The following CEP89 variants were observed in gnomAD, a reference collection of about 807,000 sequenced individuals.
CEP89 encodes centrosomal protein 89.
A neutral mutation model predicts 97.6 loss-of-function variants in CEP89; 95 were observed. That is an observed-to-expected ratio of 0.97 (90% confidence interval 0.82 to 1.15). The LOEUF (loss-of-function observed/expected upper bound fraction) is 1.15. Among genes scored for constraint, CEP89 ranks in the 50% most tolerant of loss-of-function variants. The pLI is 0.00. For synonymous variants in CEP89, 354 were observed against 349.1 expected, an observed-to-expected ratio of 1.01 and a Z score of -0.16; for missense variants, 869 against 947.7, an observed-to-expected ratio of 0.92 and a Z score of 1.09.
At chr19:32,907,504 T>G (rs1969913093) in intron 14 of CEP89, among the ~76,000 whole-genome samples, 1 of 150,968 alleles carries the variant, frequency 6.6e-6, no homozygotes, top group East Asian at 2.0e-4. Context: ...CAGGCTGGAG[T>G]GCAATGGCGT....
intron 12 of CEP89, among the ~76,000 whole-genome samples, chr19:32,921,586 GTTTTA>G (rs753046883): frequency 3.3e-5 from 5 of 152,204 alleles, no homozygotes; most frequent in Admixed American, 1.3e-4. Flanking sequence ...TCTTTCACTG[GTTTTA>G]TTTTAAGGAA....
Position 32,936,555 on chromosome 19 carries a change from C to A in CEP89, c.667+1076G>T, listed in dbSNP as rs1012212009. Among the ~76,000 whole-genome samples the A allele has an allele frequency of 2.0e-5, 3 of 152,142 alleles. No homozygotes were observed. Among genetic ancestry groups the A allele is most frequent in the Non-Finnish European group, 4.4e-5 (3 of 68,012 alleles). On this transcript the variant is annotated intron_variant, in intron 7 of 18. Transcript: ENST00000305768. The surrounding 1 kb of genome is among the most constrained non-coding windows in gnomAD (Gnocchi z 4.5). ...GAACTTATGGTGCCTTTTCCAGGCCCACCCATGGCCACCCATGGACCAATC... is the reference window on the plus strand; with the variant it reads ...GAACTTATGGTGCCTTTTCCAGGCCAACCCATGGCCACCCATGGACCAATC...
At chr19:32,967,290 G>GT (rs1971303720) in intron 1 of CEP89, among the ~76,000 whole-genome samples, 1 of 152,150 alleles carries the variant, frequency 6.6e-6, no homozygotes. Flanking sequence ...TTAGGTAACT[G>GT]TAACTGGGAG....
At chr19:32,899,741 C>A in intron 16 of CEP89, 116 bp downstream of exon 16, 1 of 976,268 alleles carries the variant, frequency 1.0e-6, no homozygotes, top group South Asian at 1.7e-5. Flanking sequence ...AACCATCCAT[C>A]GTAAGTCAGG....
At chr19:32,921,333 C>T (rs971313683) in intron 12 of CEP89, among the ~76,000 whole-genome samples, 2 of 152,088 alleles carry the variant, frequency 1.3e-5, no homozygotes, top group Non-Finnish European at 2.9e-5. Flanking sequence ...GTACCGAGAG[C>T]GGCAAGGTCT....
intron 16 of CEP89, among the ~76,000 whole-genome samples, chr19:32,894,518 G>A (rs1252845123): frequency 6.6e-6 from 1 of 152,206 alleles, no homozygotes; most frequent in African/African-American, 2.4e-5. Flanking sequence ...TCCTGCCTGG[G>A]CAGGGCTAAA....
At chr19:32,907,341 A>C (rs1179855446) in intron 14 of CEP89, among the ~76,000 whole-genome samples, 1 of 152,256 alleles carries the variant, frequency 6.6e-6, no homozygotes, top group South Asian at 2.1e-4. Flanking sequence ...AGCCTGAGAC[A>C]AGATGAGATC....
At chr19:32,962,287 G>A (rs193021207) in intron 2 of CEP89, among the ~76,000 whole-genome samples, 3 of 152,204 alleles carry the variant, frequency 2.0e-5, no homozygotes, top group Admixed American at 6.6e-5. Context: ...CTCATCTGCC[G>A]CCATGTAAGA....
intron 5 of CEP89, among the ~76,000 whole-genome samples, chr19:32,940,927 A>C (rs1385175794): frequency 6.6e-6 from 1 of 151,854 alleles, no homozygotes; most frequent in Non-Finnish European, 1.5e-5. Context: ...CACCCAGCTA[A>C]TTTTTGTATT....
At chr19:32,894,913 C>G (rs914466107) in intron 16 of CEP89, among the ~76,000 whole-genome samples, 1 of 152,118 alleles carries the variant, frequency 6.6e-6, no homozygotes, top group East Asian at 1.9e-4. Context: ...GACAACACTA[C>G]CAAGATTGAA....
chr19:32,879,432 A>G, intron 18 of CEP89, 54 bp from the exon 19 acceptor site: 3 of 1,427,912 alleles, frequency 2.1e-6, no homozygotes, highest in Non-Finnish European at 2.9e-6. Context: ...TAGAGCCCAT[A>G]TGAATCCCAA....
intron 13 of CEP89, 25 bp downstream of exon 13, chr19:32,918,199 C>T: frequency 2.0e-6 from 3 of 1,523,576 alleles, no homozygotes; most frequent in Non-Finnish European, 2.7e-6. Flanking sequence ...CAATGCATGA[C>T]CAGTCCTCAC....
rs1207481256 is a variant in CEP89, at chr19:32,902,010, C to CTCTGTGTGTGTGTGTGTG, written c.1566-599_1566-598insCACACACACACACACAGA. Among the ~76,000 whole-genome samples, 178 of 133,798 alleles carry CTCTGTGTGTGTGTGTGTG rather than the reference C, an allele frequency of 1.3e-3. 1 individual carries two copies. Among genetic ancestry groups the CTCTGTGTGTGTGTGTGTG allele is most frequent in the Middle Eastern group, 3.7e-3 (1 of 272 alleles). The allele number at this position is 133,798 out of a possible 152,430, so 87.8% of individuals were successfully genotyped here. A position where few individuals can be genotyped will look rare whatever the true frequency, so the allele number is the denominator to read the frequency against. On this transcript the variant is annotated intron_variant, in intron 14 of 18. Coordinates refer to ENST00000305768, the MANE Select transcript of CEP89 (RefSeq NM_032816.5). The stretch of plus-strand genomic sequence containing the variant: ...TCTGTCTCTCTGTCTCTCTCTCTCT[C>CTCTGTGTGTGTGTGTGTG]TGTGTGTGTGTGTGTGTGTGTGTGT...
At chr19:32,917,769 G>A in intron 13 of CEP89, 4 of 983,558 alleles carry the variant, frequency 4.1e-6, no homozygotes, top group Non-Finnish European at 4.8e-6. Context: ...GGTGTTTGAT[G>A]GAAATCTAAC....
chr19:32,931,570 A>G lies in CEP89; in HGVS notation c.888T>C (p.Val296=), dbSNP rs753543039. The G allele has an allele frequency of 6.3e-7, 1 of 1,575,966 alleles. No homozygotes were observed. The highest frequency in any genetic ancestry group is 1.2e-5 in the South Asian group (1 of 83,248). ...GCAGATAAAGTAATTCAGGTGCAGC[A>G]ACTAGGGAAAAAAATTTAATATTAT... is the stretch of plus-strand genomic sequence containing the variant. ...KEAEKASSQE[V]AAPELLYLRK... is the part of the protein sequence containing the mutation. Residue 296 remains valine (V), a splice_region_variant and synonymous_variant, in exon 9 of 19, where the codon GTT becomes GTC. Coordinates refer to ENST00000305768, the MANE Select transcript of CEP89 (RefSeq NM_032816.5).
rs144389932 is a variant in CEP89, at chr19:32,917,792, C to T, written c.1384+432G>A. The T allele has an allele frequency of 5.2e-4, 508 of 985,000 alleles. No homozygotes were observed. In the African/African-American group the frequency reaches 8.3e-3, roughly 16 times the overall value. 61.0% of individuals were successfully genotyped at this position (985,000 alleles called of 1,614,324 possible). On this transcript the variant is annotated intron_variant, in intron 13 of 18. Coordinates refer to ENST00000305768, the MANE Select transcript of CEP89 (RefSeq NM_032816.5). ...ATGGAAATCTAACCTGCAGTGATGT[C>T]GCCTCCCAGGCCCGCAGCTCTGAAG...
chr19:32,883,543 G>A (rs1969331305), intron 17 of CEP89, among the ~76,000 whole-genome samples: 1 of 151,960 alleles, frequency 6.6e-6, no homozygotes, highest in South Asian at 2.1e-4. Context: ...TGGGCGTGGT[G>A]GCACATCTGT....
At chr19:32,916,392 G>A (rs1257749352) in intron 13 of CEP89, among the ~76,000 whole-genome samples, 2 of 152,220 alleles carry the variant, frequency 1.3e-5, no homozygotes, top group East Asian at 1.9e-4. Context: ...CATGATTCCA[G>A]TCTTCAAGGA....
intron 14 of CEP89, among the ~76,000 whole-genome samples, chr19:32,913,727 C>T (rs1437382073): frequency 6.6e-6 from 1 of 151,852 alleles, no homozygotes; most frequent in Non-Finnish European, 1.5e-5. Flanking sequence ...CAACCTCCGC[C>T]TCCCAGGTTC....
Sources: allele counts gnomAD v4.1 joint callset (sites outside exome capture counted in the v4.1 genomes callset), GRCh38; gene constraint gnomAD v4.1.1; non-coding constraint Gnocchi (gnomAD v3.1); transcripts MANE v1.5; gene names NCBI Gene and HGNC (gene_info 2026-07-23, HGNC 2026-07-21).